Variants in VPS13C observed in about 807,000 individuals in gnomAD.
VPS13C encodes intermembrane lipid transfer protein VPS13C.
Under a neutral mutation model 456.8 loss-of-function variants are expected in VPS13C, and 358 were observed. The observed-to-expected ratio is 0.78, with a 90% CI of 0.72 to 0.86. The LOEUF (loss-of-function observed/expected upper bound fraction) is 0.86. VPS13C is among the 40% of genes least tolerant of loss of function. VPS13C has a pLI of 0.00. For missense variants in VPS13C, 4,818 were observed against 4,385.4 expected (o/e 1.10, Z -2.79); for synonymous variants, 1,578 against 1,486.7 (o/e 1.06, Z -1.41).
At chr15:61,876,429 A>T (rs945066329) in intron 75 of VPS13C, among the ~76,000 whole-genome samples, 8 of 152,060 alleles carry the variant, frequency 5.3e-5, no homozygotes, top group African/African-American at 1.7e-4. Flanking sequence ...AAAACAAAAA[A>T]AAGGGAAAAC....
At chr15:61,882,867 G>A in intron 68 of VPS13C, 131 bp from the exon 69 acceptor site, 1 of 893,150 alleles carries the variant, frequency 1.1e-6, no homozygotes, top group Non-Finnish European at 1.5e-6. Context: ...CTATCTTAAG[G>A]TGATCTACAG....
rs551117079 is a variant in VPS13C at position 61,904,341 on chromosome 15, A to T, written c.9105+2923T>A. On this transcript the variant is annotated intron_variant, in intron 66 of 84. Transcript: ENST00000644861. ...AATGTGATTTAAAAACGGGCAAAAG[A>T]TCTGAAGAGGCATATCTCAAAAGAA... 2.0e-5 allele frequency among the ~76,000 whole-genome samples: 3 copies of T among 151,960 alleles called. No homozygotes were observed. The East Asian group carries it at 5.8e-4, about 29-fold the overall frequency.
intron 47 of VPS13C, 72 bp downstream of exon 47, chr15:61,940,575 A>G: frequency 1.4e-6 from 2 of 1,476,042 alleles, no homozygotes; most frequent in Non-Finnish European, 1.8e-6. Flanking sequence ...TCTGATATCC[A>G]CTAGAACTGC....
chr15:61,880,325 C>T (rs900422240), intron 73 of VPS13C, among the ~76,000 whole-genome samples: 3 of 152,106 alleles, frequency 2.0e-5, no homozygotes, highest in South Asian at 2.1e-4. Context: ...AAACATTAAA[C>T]GTTGGCAAGC....
At chr15:62,030,716 A>G (rs1161979564) in intron 5 of VPS13C, among the ~76,000 whole-genome samples, 1 of 152,100 alleles carries the variant, frequency 6.6e-6, no homozygotes, top group African/African-American at 2.4e-5. Flanking sequence ...TTCAGGGTGC[A>G]AGGAGATAGT....
rs1485323338 is a variant in VPS13C at position 61,991,698 on chromosome 15, CT to C, written c.1457del (p.Lys486ArgfsTer6). On this transcript the variant is annotated frameshift_variant, in exon 17 of 85. Transcript: ENST00000644861. LOFTEE classifies it high-confidence loss of function. ...GLWGKKESKKKDEESLIPETI... is the reference protein window; with the variant it reads ...GLWGKKESKKXDEESLIPETI... ...TTTCAGGAATCAATGATTCTTCGTC[CT>C]TTTTCTTAGACTCTTTCTTACCCCA... is the stretch of plus-strand genomic sequence containing the variant. The C allele has an allele frequency of 6.2e-7, 1 of 1,611,424 alleles. No individual in the cohort carries two copies. Among genetic ancestry groups the C allele is most frequent in the East Asian group, 2.2e-5 (1 of 44,814 alleles).
At chr15:61,974,455 T>C (rs367693811) in intron 24 of VPS13C, 38 bp from the exon 25 acceptor site, 2 of 1,599,594 alleles carry the variant, frequency 1.3e-6, no homozygotes, top group Non-Finnish European at 1.7e-6. Flanking sequence ...TCAGCATCTC[T>C]ACATTACAAA....
Position 62,041,313 on chromosome 15 carries a change from A to C in VPS13C, c.187+11T>G, listed in dbSNP as rs1384471957. Reference sequence around the variant, plus strand: ...ACCAAGAATAATTCAAATGAAGACTAAAGTACTTACCAATTTGGCCAGCCT... The same window carrying C: ...ACCAAGAATAATTCAAATGAAGACTCAAGTACTTACCAATTTGGCCAGCCT... On this transcript the variant is annotated intron_variant, in intron 3 of 84. Transcript: ENST00000644861. 6.2e-7 allele frequency: 1 copy of C among 1,603,320 alleles called. No individual in the cohort carries two copies.
chr15:61,890,958 A>C (rs1194517100), intron 66 of VPS13C, among the ~76,000 whole-genome samples: 3 of 152,144 alleles, frequency 2.0e-5, no homozygotes, highest in Non-Finnish European at 4.4e-5. Context: ...GAGGCACGAG[A>C]ATTGCTTGAA....
rs1246277140 is a variant in VPS13C at position 61,853,072 on chromosome 15, A to T, written c.*1385T>A. 6.6e-6 allele frequency: 1 copy of T among 152,174 alleles called. No individual in the cohort carries two copies. The allele number at this position is 152,174 out of a possible 1,614,324, so 9.4% of individuals were successfully genotyped here. A position where few individuals can be genotyped will look rare whatever the true frequency, so the allele number is the denominator to read the frequency against. ...TTACATATTTTTGAGTATTTTTTAA[A>T]GTTTTAATAGTTTATCTCTGATCAA... On this transcript the variant is annotated 3_prime_UTR_variant, in exon 85 of 85. Coordinates refer to ENST00000644861, the MANE Select transcript of VPS13C (RefSeq NM_020821.3).
In VPS13C at chr15:62,014,009, A is replaced by T. The variant is rs757620849; in HGVS notation, c.685-17T>A. The T allele has an allele frequency of 3.4e-5, 55 of 1,600,348 alleles. No homozygotes were observed. In the Admixed American group the frequency reaches 6.3e-4, roughly 18 times the overall value. On this transcript the variant is annotated splice_polypyrimidine_tract_variant and intron_variant, in intron 9 of 84. Coordinates refer to ENST00000644861, the MANE Select transcript of VPS13C (RefSeq NM_020821.3). ...ATTTGCAGTCTAAAAGAAAAAAGGG[A>T]ATACCTGTGAAACGTGGTATGGATG...
intron 45 of VPS13C, 70 bp downstream of exon 45, chr15:61,945,645 T>G: frequency 7.8e-7 from 1 of 1,287,912 alleles, no homozygotes; most frequent in African/African-American, 1.5e-5. Flanking sequence ...ATTTTTACTA[T>G]CTAGGTTCAG....
chr15:61,938,607 T>G (rs537817843), intron 47 of VPS13C, among the ~76,000 whole-genome samples: 168 of 152,340 alleles, frequency 1.1e-3, no homozygotes, highest in Middle Eastern at 6.8e-3. Context: ...TTATAATACT[T>G]TGATGCTAAA....
At chr15:61,996,271 A>G (rs892990613) in intron 16 of VPS13C, among the ~76,000 whole-genome samples, 1 of 152,172 alleles carries the variant, frequency 6.6e-6, no homozygotes, top group African/African-American at 2.4e-5. Flanking sequence ...AAACAAACTC[A>G]AACTTACATA....
At chr15:61,941,083 G>A (rs746799382) in intron 46 of VPS13C, among the ~76,000 whole-genome samples, 2 of 152,160 alleles carry the variant, frequency 1.3e-5, no homozygotes, top group Non-Finnish European at 2.9e-5. Context: ...AAGGCTGTTT[G>A]ATACAGCGAA....
intron 54 of VPS13C, 141 bp downstream of exon 54, chr15:61,922,256 T>C (rs2043682702): frequency 1.7e-6 from 2 of 1,178,942 alleles, no homozygotes; most frequent in African/African-American, 3.1e-5. Context: ...AAACAATACA[T>C]CGACAAATTA....
intron 15 of VPS13C, among the ~76,000 whole-genome samples, chr15:62,001,569 G>A (rs558498093): frequency 1.5e-4 from 23 of 152,146 alleles, no homozygotes; most frequent in Non-Finnish European, 1.3e-4. Context: ...TGCACAACGT[G>A]CAGGTTAGTT....
chr15:62,055,432 G>A (rs1480749615), intron 1 of VPS13C, among the ~76,000 whole-genome samples: 5 of 149,406 alleles, frequency 3.3e-5, no homozygotes, highest in East Asian at 2.0e-4. Flanking sequence ...TAGTGGAGAC[G>A]GGGTTTCACT....
chr15:61,960,219 C>G (rs955838935), intron 35 of VPS13C, among the ~76,000 whole-genome samples: 3 of 152,096 alleles, frequency 2.0e-5, no homozygotes, highest in Non-Finnish European at 2.9e-5. Flanking sequence ...TCAGACACAA[C>G]CAAATTGAGA....
Sources: allele counts gnomAD v4.1 joint callset (sites outside exome capture counted in the v4.1 genomes callset), GRCh38; gene constraint gnomAD v4.1.1; transcripts MANE v1.5; gene names NCBI Gene and HGNC (gene_info 2026-07-23, HGNC 2026-07-21).